TDRD9: variants seen among roughly 807,000 people sequenced by gnomAD.
TDRD9 encodes tudor domain containing 9.
Under a neutral mutation model 172.6 loss-of-function variants are expected in TDRD9, and 124 were observed. The ratio of observed to expected loss-of-function variants is 0.72; its 90% CI spans 0.62 to 0.83. The LOEUF (loss-of-function observed/expected upper bound fraction) is 0.83, where lower values mean the gene tolerates loss of function less well. Ranked by LOEUF, TDRD9 falls within the 40% of genes least tolerant of loss-of-function variation. The pLI is 0.00. For missense variants in TDRD9, 1,479 were observed against 1,714.1 expected (o/e 0.86, Z 2.42); for synonymous variants, 619 against 617.1 (o/e 1.00, Z -0.05).
intron 1 of TDRD9, among the ~76,000 whole-genome samples, chr14:103,932,196 G>A (rs1429336178): frequency 2.0e-5 from 3 of 152,198 alleles, no homozygotes; most frequent in Non-Finnish European, 2.9e-5. Flanking sequence ...ATTTGTTGAG[G>A]CAGCACTGCA....
intron 34 of TDRD9, among the ~76,000 whole-genome samples, chr14:104,047,802 T>A (rs2035825773): frequency 6.6e-6 from 1 of 152,240 alleles, no homozygotes; most frequent in Non-Finnish European, 1.5e-5. Context: ...GTGGATGCGG[T>A]ACAGAGAATT....
intron 1 of TDRD9, among the ~76,000 whole-genome samples, chr14:103,952,188 GTGTATA>G (rs1268185793): frequency 0.063 from 3,563 of 56,552 alleles, 149 homozygotes; most frequent in East Asian, 0.15. Flanking sequence ...GTGCGTGTGT[GTGTATA>G]TATATATATA....
At chr14:103,988,778 G>A (rs1447864977) in intron 8 of TDRD9, among the ~76,000 whole-genome samples, 3 of 149,768 alleles carry the variant, frequency 2.0e-5, no homozygotes, top group South Asian at 2.1e-4. Context: ...CAGCAGCCTC[G>A]ACCTCATTGG....
chr14:103,947,420 C>T (rs1311480356), intron 1 of TDRD9, among the ~76,000 whole-genome samples: 1 of 152,026 alleles, frequency 6.6e-6, no homozygotes, highest in African/African-American at 2.4e-5. Context: ...CTCTGTCCCC[C>T]AGGTTCATGC....
intron 4 of TDRD9, 121 bp from the exon 5 acceptor site, chr14:103,966,588 C>T: frequency 3.1e-6 from 3 of 979,710 alleles, no homozygotes; most frequent in Non-Finnish European, 4.3e-6. Context: ...TAATTTGGAG[C>T]CTGTGTATCT....
rs570966481 is a variant in TDRD9 at position 103,969,828 on chromosome 14, G to T, written c.766-713G>T. Among the ~76,000 whole-genome samples the T allele has an allele frequency of 4.3e-3, 627 of 145,766 alleles. 5 individuals carry two copies. Among genetic ancestry groups the T allele is most frequent in the African/African-American group, 0.015 (588 of 40,032 alleles). ...CTAGCTGGTTCTGGGGTGGGGCGGG[G>T]TGGGGGGGCTGTGGGTCCTGGGGTG... On this transcript the variant is annotated intron_variant, in intron 5 of 35. Coordinates refer to ENST00000409874, the MANE Select transcript of TDRD9 (RefSeq NM_153046.3).
At chr14:103,934,551 G>A (rs2030626415) in intron 1 of TDRD9, among the ~76,000 whole-genome samples, 1 of 152,166 alleles carries the variant, frequency 6.6e-6, no homozygotes, top group African/African-American at 2.4e-5. Flanking sequence ...GGCCGAGGCG[G>A]GTGGATCATG....
At chr14:104,011,042 T>C (rs1397767619) in intron 20 of TDRD9, among the ~76,000 whole-genome samples, 1 of 152,218 alleles carries the variant, frequency 6.6e-6, no homozygotes, top group Non-Finnish European at 1.5e-5. Context: ...GTAAACGTGT[T>C]GCCCTACAAC....
At chr14:103,931,156 C>T (rs2030364836) in intron 1 of TDRD9, among the ~76,000 whole-genome samples, 1 of 151,738 alleles carries the variant, frequency 6.6e-6, no homozygotes, top group Non-Finnish European at 1.5e-5. Context: ...AAAATTTGCC[C>T]AGCATGGTGG....
At chr14:104,025,485 G>A in intron 25 of TDRD9, 79 bp from the exon 26 acceptor site, 1 of 1,067,176 alleles carries the variant, frequency 9.4e-7, no homozygotes, top group Non-Finnish European at 1.4e-6. Context: ...CAGGGTGTCA[G>A]CCCTATGATT....
intron 1 of TDRD9, among the ~76,000 whole-genome samples, chr14:103,932,223 G>A (rs955019568): frequency 6.6e-6 from 1 of 152,176 alleles, no homozygotes; most frequent in Non-Finnish European, 1.5e-5. Flanking sequence ...TACAAATCTG[G>A]TGGCAGAGCT....
chr14:103,980,754 G>A lies in TDRD9; in HGVS notation c.1011+5201G>A, dbSNP rs1038795017. Among the ~76,000 whole-genome samples, 1 of 152,056 alleles carries A rather than the reference G, an allele frequency of 6.6e-6. No individual in the cohort carries two copies. Among genetic ancestry groups the A allele is most frequent in the Admixed American group, 6.5e-5 (1 of 15,274 alleles). The stretch of plus-strand genomic sequence containing the variant: ...GACACTGACGCTACCACTAGACCAC[G>A]GCTAGACCATGGTCCGCTTGGCAAC... On this transcript the variant is annotated intron_variant, in intron 7 of 35. Transcript: ENST00000409874. The surrounding 1 kb of genome is among the most constrained non-coding windows in gnomAD (Gnocchi z 4.5).
At chr14:104,005,095 C>G in intron 14 of TDRD9, 179 bp from the exon 15 acceptor site, 1 of 504,302 alleles carries the variant, frequency 2.0e-6, no homozygotes. Flanking sequence ...ATCTCTTTCT[C>G]TCCTGTTCTT....
rs200721758 is a variant in TDRD9 at position 104,040,317 on chromosome 14, G to A, written c.3838G>A (p.Val1280Met). 331 of 1,550,560 alleles carry A rather than the reference G, an allele frequency of 2.1e-4. No homozygotes were observed. Among genetic ancestry groups the A allele is most frequent in the Non-Finnish European group, 2.7e-4 (312 of 1,146,346 alleles). The stretch of plus-strand genomic sequence containing the variant: ...GCTTGCGTTTGACGTTCAATTCAGC[G>A]TGGAGGATGTCGTCGAGGTAAGGGT... ...MELAFDVQFSVEDVVEVNILR... is the reference protein window; with the variant it reads ...MELAFDVQFSMEDVVEVNILR... The change falls in exon 33 of 36, where the codon GTG becomes ATG. Residue 1280 changes from valine (V) to methionine (M), a missense_variant. Around this residue, in one of 3 missense-constraint regions of TDRD9, gnomAD observed 1,413 missense variants for 1,649.1 expected, o/e 0.86. Transcript: ENST00000409874.
intron 1 of TDRD9, among the ~76,000 whole-genome samples, chr14:103,930,694 CTT>C (rs1202789247): frequency 6.6e-6 from 1 of 152,162 alleles, no homozygotes; most frequent in East Asian, 1.9e-4. Context: ...TGTTTGCACA[CTT>C]TACTTCCTTG....
Position 104,040,259 on chromosome 14 carries a change from AG to A in TDRD9, c.3784del (p.Ala1262LeufsTer35), listed in dbSNP as rs1481860254. On this transcript the variant is annotated frameshift_variant, in exon 33 of 36. Coordinates refer to ENST00000409874, the MANE Select transcript of TDRD9 (RefSeq NM_153046.3). LOFTEE classifies it high-confidence loss of function. Reference sequence around the variant, plus strand: ...GTGGTTTGGGGTGGAATCCAGCTACAGGGGCTTCCATACTGCCCGAGCACGA... The same window carrying A: ...GTGGTTTGGGGTGGAATCCAGCTACAGGGCTTCCATACTGCCCGAGCACGA... ...LCGLGWNPAT[G>X]ASILPEHDME... is the part of the protein sequence containing the mutation. 7.1e-6 allele frequency: 11 copies of A among 1,551,268 alleles called. No homozygotes were observed. In the Admixed American group the frequency reaches 2.2e-4, roughly 30 times the overall value.
At chr14:103,939,741 G>GT (rs1322302073) in intron 1 of TDRD9, 1 of 4,656 alleles carries the variant, frequency 2.1e-4, no homozygotes, top group Admixed American at 1.4e-3. Context: ...TTGAAAAAAA[G>GT]TGTTTTTTTT....
chr14:104,027,997 G>T (rs1219073651), intron 28 of TDRD9, among the ~76,000 whole-genome samples: 1 of 151,992 alleles, frequency 6.6e-6, no homozygotes, highest in Non-Finnish European at 1.5e-5. Context: ...CCATCCTCCA[G>T]GCTCATCCAC....
At chr14:103,934,760 C>T (rs2030644746) in intron 1 of TDRD9, among the ~76,000 whole-genome samples, 1 of 152,092 alleles carries the variant, frequency 6.6e-6, no homozygotes, top group Non-Finnish European at 1.5e-5. Context: ...CCAGCCTGGG[C>T]GACAGAGGTG....
Sources: allele counts gnomAD v4.1 joint callset (sites outside exome capture counted in the v4.1 genomes callset), GRCh38; gene constraint gnomAD v4.1.1; regional missense constraint gnomAD v4.1.1; non-coding constraint Gnocchi (gnomAD v3.1); transcripts MANE v1.5; gene names NCBI Gene and HGNC (gene_info 2026-07-23, HGNC 2026-07-21).